FASN: variants seen among roughly 807,000 people sequenced by gnomAD.
FASN encodes the protein fatty acid synthase, also known as 3-hydroxyacyl-[acyl-carrier-protein] dehydratase.
Under a neutral mutation model 250.0 loss-of-function variants are expected in FASN, and 50 were observed. The observed-to-expected ratio is 0.20, with a 90% CI of 0.16 to 0.25. The LOEUF (loss-of-function observed/expected upper bound fraction) is 0.25, where lower values mean the gene tolerates loss of function less well. Ranked by LOEUF, FASN falls within the 10% of genes least tolerant of loss-of-function variation. FASN has a pLI of 1.00. For synonymous variants in FASN, 1,909 were observed against 1,584.0 expected, an observed-to-expected ratio of 1.21 and a Z score of -4.87; for missense variants, 3,031 against 3,498.5, an observed-to-expected ratio of 0.87 and a Z score of 3.37.
intron 10 of FASN, 134 bp downstream of exon 10, chr17:82,090,748 T>C: frequency 8.7e-7 from 1 of 1,150,312 alleles, no homozygotes; most frequent in Non-Finnish European, 1.3e-6. Context: ...CCTCCCGTCC[T>C]GCCCCCAGCA....
At chr17:82,090,337 T>G in intron 11 of FASN, 38 bp downstream of exon 11, 1 of 1,548,480 alleles carries the variant, frequency 6.5e-7, no homozygotes, top group Non-Finnish European at 8.7e-7. Flanking sequence ...GGCAGCCTCC[T>G]TTCTTGGAGG....
intron 21 of FASN, 57 bp downstream of exon 21, chr17:82,086,993 G>C: frequency 6.4e-7 from 1 of 1,574,414 alleles, no homozygotes; most frequent in Admixed American, 1.7e-5. Flanking sequence ...AACGTGAGGG[G>C]AGGCGATCGC....
chr17:82,089,032 C>T lies in FASN; in HGVS notation c.2241G>A (p.Glu747=). 6.2e-7 allele frequency: 1 copy of T among 1,607,094 alleles called. No homozygotes were observed. Among genetic ancestry groups the T allele is most frequent in the Non-Finnish European group, 8.5e-7 (1 of 1,177,510 alleles). ...CGTGCTCAGGCACGTGCCACAGGGC[C>T]TCCTGGAACAGCACAGGGCTCACCA... is the stretch of plus-strand genomic sequence containing the variant. The part of the protein sequence containing the change: ...NNLVSPVLFQ[E]ALWHVPEHAV... The change falls in exon 14 of 43, where the codon GAG becomes GAA. Residue 747 remains glutamate (E), a synonymous_variant. Transcript: ENST00000306749.
intron 19 of FASN, 22 bp downstream of exon 19, chr17:82,087,663 C>T: frequency 6.2e-7 from 1 of 1,609,638 alleles, no homozygotes. Context: ...GTGGCTTGGG[C>T]AGCAGTGTAG....
At position 82,093,319 on chromosome 17, in the gene FASN, C is replaced by A. The variant is rs556347422; in HGVS notation, c.555G>T (p.Val185=). The change falls in exon 5 of 43, where the codon GTG becomes GTT. Residue 185 remains valine, a synonymous_variant. Transcript: ENST00000306749. ...GCTTCAGCAGGACATTGATGCCCCC[C>A]ACGATGGCGGCAGGGCACTGCCCGC... The part of the protein sequence containing the change: ...IHSGQCPAAI[V]GGINVLLKPN... The A allele has an allele frequency of 9.4e-6, 15 of 1,600,288 alleles. No individual in the cohort carries two copies. Among genetic ancestry groups the A allele is most frequent in the Non-Finnish European group, 1.3e-5 (15 of 1,174,698 alleles).
chr17:82,088,684 G>A, intron 15 of FASN, 77 bp downstream of exon 15: 1 of 1,518,048 alleles, frequency 6.6e-7, no homozygotes. Flanking sequence ...GGTCAGTGAG[G>A]GGCCCGCAGC....
Position 82,087,222 on chromosome 17 carries a change from C to T in FASN, c.3255G>A (p.Arg1085=). ...TGTGGACGCCTCCGGCCACTGTGACCCTCAGCCACCTGCTCACCACCACGT... is the reference window on the plus strand; with the variant it reads ...TGTGGACGCCTCCGGCCACTGTGACTCTCAGCCACCTGCTCACCACCACGT... ...VADVVVSRWL[R]VTVAGGVHIS... The change falls in exon 21 of 43, where the codon AGG becomes AGA. Residue 1085 remains arginine, a synonymous_variant. Transcript: ENST00000306749. 6.2e-7 allele frequency: 1 copy of T among 1,607,890 alleles called. No individual in the cohort carries two copies. Among genetic ancestry groups the T allele is most frequent in the Non-Finnish European group, 8.5e-7 (1 of 1,178,372 alleles).
chr17:82,082,876 T>G, intron 33 of FASN, 38 bp downstream of exon 33: 1 of 1,607,942 alleles, frequency 6.2e-7, no homozygotes, highest in Non-Finnish European at 8.5e-7. Context: ...GGGCTGTGCC[T>G]GGCCCAGGCT....
At position 82,092,148 on chromosome 17, in the gene FASN, C is replaced by A. The variant is rs139725064; in HGVS notation, c.1029+307G>T. ...GGAGACCCTGATGGTGCCGTGGACC[C>A]CCCCAGGCCTGCTCCTGCCTCGCTC... On this transcript the variant is annotated intron_variant, in intron 8 of 42. Coordinates refer to ENST00000306749, the MANE Select transcript of FASN (RefSeq NM_004104.5). Among the ~76,000 whole-genome samples the A allele has an allele frequency of 2.8e-3, 431 of 152,272 alleles. 2 individuals are homozygous for A. Among genetic ancestry groups the A allele is most frequent in the African/African-American group, 9.9e-3 (413 of 41,550 alleles).
rs148481729 is a variant in FASN at position 82,080,753 on chromosome 17, G to T, written c.6765C>A (p.Thr2255=). Reference sequence around the variant, plus strand: ...GCCGGGAGGCCAGGCTGTGGAACACGGTGGTGGAGCCCTCGATTGGGTGCA... The same window carrying T: ...GCCGGGAGGCCAGGCTGTGGAACACTGTGGTGGAGCCCTCGATTGGGTGCA... The part of the protein sequence containing the change: ...FLVHPIEGST[T]VFHSLASRLS... Residue 2255 remains threonine (T), a synonymous_variant, in exon 39 of 43, where the codon ACC becomes ACA. Transcript: ENST00000306749. 4.1e-5 allele frequency: 65 copies of T among 1,604,020 alleles called. 2 individuals are homozygous for T. The South Asian group carries it at 7.2e-4, about 18-fold the overall frequency.
rs1008559406 is a variant in FASN, at chr17:82,081,647, G to A, written c.6360C>T (p.Asp2120=). ...VLAEKAAAYR[D]RDSQRDLVEA... is the part of the protein sequence containing the mutation. ...CCACCAGGTCCCGCTGGCTGTCCCT[G>A]TCCCTATAGGCCGCAGCCTTCTCAG... Residue 2120 remains aspartate, a synonymous_variant, in exon 37 of 43, where the codon GAC becomes GAT. Coordinates refer to ENST00000306749, the MANE Select transcript of FASN (RefSeq NM_004104.5). The A allele has an allele frequency of 6.2e-7, 1 of 1,612,734 alleles. No homozygotes were observed. The highest frequency in any genetic ancestry group is 1.6e-4 in the Middle Eastern group (1 of 6,062).
In FASN at chr17:82,087,215, C is replaced by T. The variant is rs764452070; in HGVS notation, c.3262G>A (p.Val1088Met). The T allele has an allele frequency of 6.2e-7, 1 of 1,608,070 alleles. No homozygotes were observed. Among genetic ancestry groups the T allele is most frequent in the Admixed American group, 1.7e-5 (1 of 59,082 alleles). The change falls in exon 21 of 43, where the codon GTG becomes ATG. Residue 1088 changes from valine to methionine, a missense_variant. Val to Met is a conservative substitution (Grantham distance 21, BLOSUM62 1). Coordinates refer to ENST00000306749, the MANE Select transcript of FASN (RefSeq NM_004104.5). Reference protein sequence around the residue: ...VVVSRWLRVTVAGGVHISGLH... With the variant: ...VVVSRWLRVTMAGGVHISGLH... ...CCGGAGATGTGGACGCCTCCGGCCACTGTGACCCTCAGCCACCTGCTCACC... is the reference window on the plus strand; with the variant it reads ...CCGGAGATGTGGACGCCTCCGGCCATTGTGACCCTCAGCCACCTGCTCACC...
rs768260582 is a variant in FASN at position 82,083,188 on chromosome 17, ACTC to A, written c.5565+11_5565+13del. 7.4e-6 allele frequency: 12 copies of A among 1,611,004 alleles called. No homozygotes were observed. The South Asian group carries it at 1.3e-4, about 18-fold the overall frequency. On this transcript the variant is annotated intron_variant, in intron 32 of 42. Coordinates refer to ENST00000306749, the MANE Select transcript of FASN (RefSeq NM_004104.5). ...AGCCTGGGGTGCCCGAGGCGCCGGG[ACTC>A]CTCCCCTCACCTGCACGACGACTTT...
At chr17:82,090,614 G>A (rs539689091) in intron 10 of FASN, 50 bp from the exon 11 acceptor site, 5 of 1,539,780 alleles carry the variant, frequency 3.2e-6, no homozygotes, top group East Asian at 2.3e-5. Flanking sequence ...AGGTGCAGCT[G>A]TTGGGGGCGG....
At position 82,081,772 on chromosome 17, in the gene FASN, T is replaced by C. The variant is rs753756949; in HGVS notation, c.6235A>G (p.Ile2079Val). The C allele has an allele frequency of 3.8e-5, 62 of 1,612,484 alleles. No individual in the cohort carries two copies. Among genetic ancestry groups the C allele is most frequent in the Non-Finnish European group, 5.0e-5 (59 of 1,179,998 alleles). ...CGCTGGGGCAGCGTGCCACTGACGA[T>C]CGTGTCGTTGGTGCTCATCGTCTCC... Reference protein sequence around the residue: ...LVETMSTNDTIVSGTLPQRMA... With the variant: ...LVETMSTNDTVVSGTLPQRMA... Residue 2079 changes from isoleucine to valine, a missense_variant, in exon 37 of 43, where the codon ATC (isoleucine) becomes GTC (valine). By Grantham distance (29) the Ile-to-Val change is conservative. Transcript: ENST00000306749.
intron 27 of FASN, 35 bp downstream of exon 27, chr17:82,084,478 C>A: frequency 6.3e-7 from 1 of 1,591,546 alleles, no homozygotes; most frequent in Non-Finnish European, 8.5e-7. Flanking sequence ...TGCTCCCCGG[C>A]CCAGTCCACT....
intron 3 of FASN, chr17:82,094,085 G>A: frequency 2.1e-6 from 1 of 481,688 alleles, no homozygotes. Context: ...CTCCAGGAAG[G>A]ACAGAGGGCA....
intron 17 of FASN, 38 bp downstream of exon 17, chr17:82,088,078 C>T: frequency 1.9e-6 from 3 of 1,612,664 alleles, no homozygotes; most frequent in African/African-American, 1.3e-5. Flanking sequence ...GCACCCGCCC[C>T]CCAGCTACCC....
Position 82,080,825 on chromosome 17 carries a change from C to G in FASN, c.6693G>C (p.Leu2231=). Residue 2231 remains leucine, a synonymous_variant, in exon 39 of 43, where the codon CTG becomes CTC. Transcript: ENST00000306749. ...SLLVNPEGPT[L]MRLNSVQSSE... ...AGCTCTGCACGGAGTTGAGCCGCAT[C>G]AGGGTGGGGCCCTCCGGGTTCACCA... The G allele has an allele frequency of 1.2e-6, 2 of 1,610,156 alleles. No individual in the cohort carries two copies. The highest frequency in any genetic ancestry group is 1.7e-6 in the Non-Finnish European group (2 of 1,179,136).
Sources: allele counts gnomAD v4.1 joint callset (sites outside exome capture counted in the v4.1 genomes callset), GRCh38; gene constraint gnomAD v4.1.1; transcripts MANE v1.5; gene names NCBI Gene and HGNC (gene_info 2026-07-23, HGNC 2026-07-21).